The following DNAH9 variants were observed in gnomAD, a reference collection of about 807,000 sequenced individuals.
The protein encoded by DNAH9 is DNAH9 variant protein.
Under a neutral mutation model 471.6 loss-of-function variants are expected in DNAH9, and 345 were observed. That is an observed-to-expected ratio of 0.73 (90% confidence interval 0.67 to 0.80). DNAH9 has a LOEUF of 0.80. Ranked by LOEUF, DNAH9 falls within the 30% of genes least tolerant of loss-of-function variation. The pLI, the probability that DNAH9 is intolerant of heterozygous loss-of-function variation, is 0.00. For missense variants in DNAH9, 5,407 were observed against 5,609.2 expected (o/e 0.96, Z 1.15); for synonymous variants, 2,093 against 2,123.6 (o/e 0.99, Z 0.40).
chr17:11,933,382 TTTC>T (rs1307783368), intron 64 of DNAH9, among the ~76,000 whole-genome samples: 3 of 152,036 alleles, frequency 2.0e-5, no homozygotes, highest in African/African-American at 7.2e-5. Context: ...AGCTTTTTTT[TTTC>T]TTCTTTTTTT....
Position 11,865,317 on chromosome 17 carries a change from T to A in DNAH9, c.9934-3817T>A, listed in dbSNP as rs1972004523. 2.0e-5 allele frequency among the ~76,000 whole-genome samples: 3 copies of A among 151,944 alleles called. No homozygotes were observed. The South Asian group carries it at 6.2e-4, about 32-fold the overall frequency. ...TGGATATGAAATTCTGGGTTGAAAA[T>A]TCTTTTCTTTAAGAATGTTGAATAT... On this transcript the variant is annotated intron_variant, in intron 50 of 68. Coordinates refer to ENST00000262442, the MANE Select transcript of DNAH9 (RefSeq NM_001372.4).
chr17:11,747,598 T>C lies in DNAH9; in HGVS notation c.6442T>C (p.Phe2148Leu), dbSNP rs767566644. 6.2e-7 allele frequency: 1 copy of C among 1,614,006 alleles called. No individual in the cohort carries two copies. The highest frequency in any genetic ancestry group is 8.5e-7 in the Non-Finnish European group (1 of 1,180,016). The change falls in exon 32 of 69, where the codon TTT becomes CTT. Residue 2148 changes from phenylalanine (F) to leucine (L), a missense_variant. Physicochemically the swap from Phe to Leu is conservative, Grantham distance 22 (BLOSUM62 0). Transcript: ENST00000262442. ...GCTCCTGGCTGTGCGGCACTCTGTA[T>C]TTGTGGTGGGTGGCGCTGGTACCGG... ...EELLAVRHSV[F>L]VVGGAGTGKS... is the part of the protein sequence containing the mutation.
chr17:11,917,305 C>T (rs1234256245), intron 61 of DNAH9, among the ~76,000 whole-genome samples: 1 of 152,056 alleles, frequency 6.6e-6, no homozygotes, highest in East Asian at 1.9e-4. Flanking sequence ...TACAGGCGCC[C>T]ACCACCATTC....
chr17:11,666,967 C>A (rs1276009117), intron 15 of DNAH9, among the ~76,000 whole-genome samples: 1 of 152,146 alleles, frequency 6.6e-6, no homozygotes, highest in African/African-American at 2.4e-5. Flanking sequence ...AGGTTATATG[C>A]TTCCCACTCC....
chr17:11,838,108 A>T (rs1970907095), intron 49 of DNAH9, among the ~76,000 whole-genome samples: 1 of 152,248 alleles, frequency 6.6e-6, no homozygotes, highest in Non-Finnish European at 1.5e-5. Context: ...ATTTAACTAA[A>T]AGTTTGATAT....
chr17:11,934,674 G>C (rs1052161921), intron 65 of DNAH9, among the ~76,000 whole-genome samples: 1 of 151,998 alleles, frequency 6.6e-6, no homozygotes, highest in African/African-American at 2.4e-5. Flanking sequence ...GGATGGTCTT[G>C]ATCTCCTGAC....
intron 15 of DNAH9, among the ~76,000 whole-genome samples, chr17:11,668,059 T>C (rs536269884): frequency 6.6e-6 from 1 of 152,358 alleles, no homozygotes; most frequent in African/African-American, 2.4e-5. Context: ...ACCATATATC[T>C]TGTACCTGGA....
chr17:11,667,944 G>A (rs2073902146), intron 15 of DNAH9, among the ~76,000 whole-genome samples: 1 of 152,214 alleles, frequency 6.6e-6, no homozygotes, highest in Admixed American at 6.5e-5. Flanking sequence ...ATGGATTTCA[G>A]TGAACAGGCT....
rs1973660665 is a variant in DNAH9, at chr17:11,907,846, CT to C, written c.11749+2041del. On this transcript the variant is annotated intron_variant, in intron 61 of 68. Transcript: ENST00000262442. The stretch of plus-strand genomic sequence containing the variant: ...GCAGTCCCCCTTCCCAGGCCCTATG[CT>C]TTTGTCCATTTCTGAATTTAGTTCC... Among the ~76,000 whole-genome samples, 7 of 152,278 alleles carry C rather than the reference CT, an allele frequency of 4.6e-5. No individual in the cohort carries two copies. The South Asian group carries it at 1.5e-3, about 32-fold the overall frequency.
In DNAH9 at chr17:11,679,874, A is replaced by G. The variant is rs1202877546; in HGVS notation, c.3471A>G (p.Glu1157=). Residue 1157 remains glutamate (E), a synonymous_variant, in exon 18 of 69, where the codon GAA becomes GAG. Coordinates refer to ENST00000262442, the MANE Select transcript of DNAH9 (RefSeq NM_001372.4). ...TGGGACACCTTATGGCTGTTAAAGA[A>G]CGGCAGAGTAACACTGATGAGATGT... ...EIMGHLMAVK[E]RQSNTDEMFE... 6.2e-7 allele frequency: 1 copy of G among 1,614,128 alleles called. No homozygotes were observed. Among genetic ancestry groups the G allele is most frequent in the Admixed American group, 1.7e-5 (1 of 60,016 alleles).
At chr17:11,961,439 C>T (rs1976168628) in intron 67 of DNAH9, among the ~76,000 whole-genome samples, 1 of 152,096 alleles carries the variant, frequency 6.6e-6, no homozygotes, top group African/African-American at 2.4e-5. Context: ...TGAAAGAAAT[C>T]CCTGATTTGG....
intron 29 of DNAH9, among the ~76,000 whole-genome samples, chr17:11,741,223 TAAC>T (rs1344810996): frequency 2.0e-5 from 3 of 152,176 alleles, no homozygotes; most frequent in African/African-American, 7.2e-5. Flanking sequence ...TAAATAAATG[TAAC>T]AACCTATTAC....
Position 11,875,002 on chromosome 17 carries a change from T to TCA in DNAH9, c.10296_10297insCA (p.Ala3433GlnfsTer67). 1 of 1,614,140 alleles carries TCA rather than the reference T, an allele frequency of 6.2e-7. No homozygotes were observed. Among genetic ancestry groups the TCA allele is most frequent in the Non-Finnish European group, 8.5e-7 (1 of 1,180,016 alleles). ...ATCCCCTGAGGATGCTGATGGATGA[T>TCA]GCTGACGTGGCTGCCTGGCAGAACG... On this transcript the variant is annotated frameshift_variant, in exon 53 of 69. Transcript: ENST00000262442. LOFTEE classifies it high-confidence loss of function.
chr17:11,826,304 A>G (rs2150945454), intron 48 of DNAH9, among the ~76,000 whole-genome samples: 1 of 152,136 alleles, frequency 6.6e-6, no homozygotes, highest in East Asian at 1.9e-4. Flanking sequence ...CTTAGGTTAT[A>G]TTCTCTACTT....
At chr17:11,787,856 C>T (rs1216700914) in intron 41 of DNAH9, among the ~76,000 whole-genome samples, 2 of 152,144 alleles carry the variant, frequency 1.3e-5, no homozygotes, top group African/African-American at 4.8e-5. Context: ...TTTTCTCTTG[C>T]CACCACCATG....
chr17:11,762,788 T>TTG (rs1967761072), intron 35 of DNAH9, among the ~76,000 whole-genome samples: 1 of 121,184 alleles, frequency 8.3e-6, no homozygotes, highest in Admixed American at 9.1e-5. Context: ...TTTTTTTTTT[T>TTG]TTTTTTTTTG....
intron 50 of DNAH9, among the ~76,000 whole-genome samples, chr17:11,866,650 C>T (rs1291629897): frequency 1.3e-5 from 2 of 152,224 alleles, no homozygotes; most frequent in South Asian, 2.1e-4. Flanking sequence ...AGGCAGGCCT[C>T]CTTGAGCTGT....
chr17:11,917,393 G>C (rs1465238130), intron 61 of DNAH9, among the ~76,000 whole-genome samples: 1 of 152,086 alleles, frequency 6.6e-6, no homozygotes, highest in Non-Finnish European at 1.5e-5. Flanking sequence ...CTGACCTCAG[G>C]TGATCCACCC....
At chr17:11,918,203 T>TTTTTTTG (rs1391330487) in intron 61 of DNAH9, among the ~76,000 whole-genome samples, 1 of 145,018 alleles carries the variant, frequency 6.9e-6, no homozygotes, top group Admixed American at 7.0e-5. Context: ...TGGTTGGGTG[T>TTTTTTTG]TTTTTTGTTT....
Sources: allele counts gnomAD v4.1 joint callset (sites outside exome capture counted in the v4.1 genomes callset), GRCh38; gene constraint gnomAD v4.1.1; transcripts MANE v1.5; gene names NCBI Gene and HGNC (gene_info 2026-07-23, HGNC 2026-07-21).